CNTNAP2: variants seen among roughly 807,000 people sequenced by gnomAD.
The protein encoded by CNTNAP2 is contactin associated protein 2.
A neutral mutation model predicts 155.2 loss-of-function variants in CNTNAP2; 98 were observed. The ratio of observed to expected loss-of-function variants is 0.63; its 90% CI spans 0.54 to 0.75. The LOEUF is 0.75. Ranked by LOEUF, CNTNAP2 falls within the 30% of genes least tolerant of loss-of-function variation. CNTNAP2 has a pLI of 0.00. For missense variants in CNTNAP2, 1,727 were observed against 1,688.1 expected (o/e 1.02, Z -0.40); for synonymous variants, 651 against 631.2 (o/e 1.03, Z -0.47).
At chr7:148,353,260 C>T (rs1394040745) in intron 21 of CNTNAP2, among the ~76,000 whole-genome samples, 1 of 152,142 alleles carries the variant, frequency 6.6e-6, no homozygotes, top group Non-Finnish European at 1.5e-5. Flanking sequence ...TAGAAGGAAA[C>T]AAAAGAGGAG....
chr7:148,102,868 G>C (rs1035092463), intron 15 of CNTNAP2, among the ~76,000 whole-genome samples: 20 of 152,168 alleles, frequency 1.3e-4, no homozygotes, highest in African/African-American at 4.6e-4. Context: ...AGTTAAGGTT[G>C]CGGGCCCATG....
At chr7:148,062,655 G>T (rs1256335745) in intron 15 of CNTNAP2, among the ~76,000 whole-genome samples, 1 of 152,006 alleles carries the variant, frequency 6.6e-6, no homozygotes, top group Admixed American at 6.6e-5. Flanking sequence ...AGAACTGAAG[G>T]ACAATAAATA....
intron 3 of CNTNAP2, among the ~76,000 whole-genome samples, chr7:146,975,994 G>C (rs981707165): frequency 1.3e-5 from 2 of 152,100 alleles, no homozygotes; most frequent in Non-Finnish European, 2.9e-5. Context: ...GATGATGAGC[G>C]AAGAAACCGG....
chr7:146,853,860 G>C (rs1044733256), intron 3 of CNTNAP2, among the ~76,000 whole-genome samples: 1 of 152,020 alleles, frequency 6.6e-6, no homozygotes, highest in Non-Finnish European at 1.5e-5. Context: ...AGTGAACATT[G>C]GAATATGCAG....
At chr7:147,733,203 T>A (rs1796775362) in intron 13 of CNTNAP2, among the ~76,000 whole-genome samples, 2 of 152,238 alleles carry the variant, frequency 1.3e-5, no homozygotes, top group Admixed American at 6.5e-5. Flanking sequence ...TTGAATTCAT[T>A]TTTGTATAAG....
intron 8 of CNTNAP2, among the ~76,000 whole-genome samples, chr7:147,171,265 T>C (rs1025586377): frequency 1.3e-5 from 2 of 152,206 alleles, no homozygotes; most frequent in Admixed American, 1.3e-4. Context: ...GCTTCAGCCT[T>C]AGCATCTGCG....
At chr7:147,305,278 A>T (rs1795008150) in intron 9 of CNTNAP2, among the ~76,000 whole-genome samples, 1 of 152,200 alleles carries the variant, frequency 6.6e-6, no homozygotes, top group South Asian at 2.1e-4. Context: ...AGGTATGTAA[A>T]TATAGATTTT....
intron 13 of CNTNAP2, among the ~76,000 whole-genome samples, chr7:147,896,290 A>G (rs1246603011): frequency 6.6e-6 from 1 of 152,134 alleles, no homozygotes; most frequent in African/African-American, 2.4e-5. Context: ...CACAGCCTGG[A>G]TCCCATGCAC....
chr7:148,400,883 G>A (rs879599565), intron 22 of CNTNAP2, among the ~76,000 whole-genome samples: 1 of 152,088 alleles, frequency 6.6e-6, no homozygotes, highest in Admixed American at 6.5e-5. Flanking sequence ...AGGAGGCTGA[G>A]GCAGGAGAAT....
chr7:147,745,983 T>C (rs531245897), intron 13 of CNTNAP2, among the ~76,000 whole-genome samples: 2 of 152,326 alleles, frequency 1.3e-5, no homozygotes, highest in Admixed American at 6.5e-5. Context: ...ATCTGTATAA[T>C]TGTTTAACAC....
intron 1 of CNTNAP2, among the ~76,000 whole-genome samples, chr7:146,377,649 A>G (rs1426934122): frequency 1.3e-5 from 2 of 152,146 alleles, no homozygotes; most frequent in South Asian, 4.1e-4. Context: ...TATCTTGCCA[A>G]CTTCTCTGTC....
chr7:148,103,385 A>G (rs1804145335), intron 15 of CNTNAP2, among the ~76,000 whole-genome samples: 1 of 152,056 alleles, frequency 6.6e-6, no homozygotes. Context: ...TCCAGGCACC[A>G]CTTATGCAGT....
intron 1 of CNTNAP2, among the ~76,000 whole-genome samples, chr7:146,133,939 A>G (rs1035889821): frequency 6.6e-6 from 1 of 151,280 alleles, no homozygotes; most frequent in African/African-American, 2.4e-5. Context: ...AGTTTTTTCC[A>G]ATTCTGTGAA....
At chr7:147,593,931 A>T (rs530373888) in intron 12 of CNTNAP2, among the ~76,000 whole-genome samples, 1 of 152,264 alleles carries the variant, frequency 6.6e-6, no homozygotes, top group Admixed American at 6.5e-5. Context: ...AATTTTGTGT[A>T]GTAACCCATT....
intron 21 of CNTNAP2, among the ~76,000 whole-genome samples, chr7:148,287,010 C>A (rs1797096004): frequency 6.6e-6 from 1 of 152,176 alleles, no homozygotes; most frequent in South Asian, 2.1e-4. Flanking sequence ...ACAGATCCAC[C>A]ATTACAGTAT....
intron 1 of CNTNAP2, among the ~76,000 whole-genome samples, chr7:146,419,091 T>A (rs983243521): frequency 3.9e-5 from 6 of 152,102 alleles, no homozygotes; most frequent in Non-Finnish European, 7.4e-5. Context: ...ATGATTTTTT[T>A]ATAAAGAAAA....
At chr7:147,764,933 T>C (rs1797360985) in intron 13 of CNTNAP2, among the ~76,000 whole-genome samples, 1 of 152,156 alleles carries the variant, frequency 6.6e-6, no homozygotes, top group Non-Finnish European at 1.5e-5. Flanking sequence ...AAATAATAAA[T>C]ATAAACATAG....
At chr7:147,581,567 C>G (rs933048013) in intron 12 of CNTNAP2, among the ~76,000 whole-genome samples, 8 of 152,110 alleles carry the variant, frequency 5.3e-5, no homozygotes. Context: ...CCTGGTCAAC[C>G]AAGAGAAAAG....
At chr7:147,107,296 A>T (rs1165827120) in intron 4 of CNTNAP2, among the ~76,000 whole-genome samples, 1 of 152,160 alleles carries the variant, frequency 6.6e-6, no homozygotes, top group Non-Finnish European at 1.5e-5. Context: ...TGTGAAATAA[A>T]TAGTAGTTAT....
Sources: gnomAD v4.1 joint callset for allele counts (sites outside exome capture counted in the v4.1 genomes callset) on GRCh38, gnomAD v4.1.1 for gene constraint, MANE v1.5 for transcripts, NCBI Gene and HGNC (gene_info 2026-07-23, HGNC 2026-07-21) for gene names.